The following WDCP variants were observed in gnomAD, a reference collection of about 807,000 sequenced individuals.
The protein encoded by WDCP is WD repeat and coiled coil containing.
In WDCP, 19 loss-of-function variants were observed where a neutral mutation model predicts 41.6. That is an observed-to-expected ratio of 0.46 (90% CI 0.32 to 0.67). The LOEUF is 0.67. WDCP is among the 30% of genes least tolerant of loss of function. The pLI is 0.04. For synonymous variants in WDCP, 302 were observed against 320.8 expected, an observed-to-expected ratio of 0.94 and a Z score of 0.63; for missense variants, 802 against 850.7, an observed-to-expected ratio of 0.94 and a Z score of 0.71.
chr2:24,042,480 G>A (rs1428832288), intron 1 of WDCP, among the ~76,000 whole-genome samples: 1 of 138,012 alleles, frequency 7.2e-6, no homozygotes, highest in Non-Finnish European at 1.5e-5. Context: ...AGGTTGCAGT[G>A]AATCGAGATC....
intron 1 of WDCP, among the ~76,000 whole-genome samples, chr2:24,044,650 C>T (rs764108502): frequency 2.0e-5 from 3 of 152,000 alleles, no homozygotes; most frequent in African/African-American, 7.2e-5. Flanking sequence ...TTCTCAAAAA[C>T]GCAGTGATAA....
intron 3 of WDCP, among the ~76,000 whole-genome samples, chr2:24,031,840 A>G (rs771183744): frequency 4.7e-4 from 72 of 151,600 alleles, no homozygotes; most frequent in Non-Finnish European, 7.5e-4. Flanking sequence ...AAAAAAAAAG[A>G]AAGAAAGAAA....
At chr2:24,033,722 CAG>C (rs1460934736) in intron 2 of WDCP, among the ~76,000 whole-genome samples, 2 of 152,172 alleles carry the variant, frequency 1.3e-5, no homozygotes, top group African/African-American at 2.4e-5. Context: ...GGCTGAGTGA[CAG>C]AGACAGACTC....
chr2:24,045,944 A>C (rs995731903), intron 1 of WDCP: 1 of 152,150 alleles, frequency 6.6e-6, no homozygotes, highest in Non-Finnish European at 1.5e-5. Flanking sequence ...AAAAAGGAAA[A>C]TAAAAAATAA....
chr2:24,030,898 A>G lies in WDCP; in HGVS notation c.*35T>C, dbSNP rs1280294361. 6.6e-7 allele frequency: 1 copy of G among 1,520,516 alleles called. No individual in the cohort carries two copies. The highest frequency in any genetic ancestry group is 1.4e-5 in the African/African-American group (1 of 72,726). The allele number at this position is 1,520,516 out of a possible 1,614,324, so 94.2% of individuals were successfully genotyped here. On this transcript the variant is annotated 3_prime_UTR_variant, in exon 4 of 4. Transcript: ENST00000295148. Reference sequence around the variant, plus strand: ...AGCAGGCCTTGTTTGTAATGGTCTCATCTGAAGAGCTACACAGCAAGGACA... The same window carrying G: ...AGCAGGCCTTGTTTGTAATGGTCTCGTCTGAAGAGCTACACAGCAAGGACA...
chr2:24,043,577 G>C (rs545470546), intron 1 of WDCP, among the ~76,000 whole-genome samples: 1 of 152,282 alleles, frequency 6.6e-6, no homozygotes, highest in African/African-American at 2.4e-5. Flanking sequence ...TTATCAAATA[G>C]TTGTGTAAAC....
rs1345528810 is a variant in WDCP, at chr2:24,030,446, C to T, written c.*487G>A. 1 of 152,776 alleles carries T rather than the reference C, an allele frequency of 6.5e-6. No homozygotes were observed. The highest frequency in any genetic ancestry group is 2.4e-5 in the African/African-American group (1 of 41,438). 9.5% of individuals were successfully genotyped at this position (152,776 alleles called of 1,614,324 possible). A position where few individuals can be genotyped will look rare whatever the true frequency, so the allele number is the denominator to read the frequency against. On this transcript the variant is annotated 3_prime_UTR_variant, in exon 4 of 4. Transcript: ENST00000295148. ...CAGAAGCCAGTGGGTCTCTGGTCCTCCTTGGAGCTCTGCTAATTCTTGCTG... is the reference window on the plus strand; with the variant it reads ...CAGAAGCCAGTGGGTCTCTGGTCCTTCTTGGAGCTCTGCTAATTCTTGCTG...
At chr2:24,046,876 T>C (rs906280135) in intron 1 of WDCP, among the ~76,000 whole-genome samples, 3 of 152,340 alleles carry the variant, frequency 2.0e-5, no homozygotes, top group African/African-American at 7.2e-5. Context: ...TAACATTATA[T>C]ATTAGCATTT....
At chr2:24,046,546 T>C (rs996516896) in intron 1 of WDCP, among the ~76,000 whole-genome samples, 1 of 152,142 alleles carries the variant, frequency 6.6e-6, no homozygotes, top group Non-Finnish European at 1.5e-5. Flanking sequence ...TTTAATTCTG[T>C]TTTTCATCTT....
chr2:24,041,992 A>G (rs1663456732), intron 1 of WDCP, among the ~76,000 whole-genome samples: 1 of 152,228 alleles, frequency 6.6e-6, no homozygotes. Context: ...TAAAATGAAA[A>G]ACTGCCTCAG....
Position 24,038,093 on chromosome 2 carries a change from A to G in WDCP, c.1402T>C (p.Ser468Pro). Residue 468 changes from serine to proline, a missense_variant, in exon 2 of 4, where the codon TCC becomes CCC. Transcript: ENST00000295148. ...TTGTTTTGGTGACAAAAATCTGGGG[A>G]AAGACTTTCAATTAACTTTTTTCTA... ...ANRKKLIESL[S>P]PDFCHQNKGL... The G allele has an allele frequency of 6.2e-7, 1 of 1,614,208 alleles. No homozygotes were observed. The highest frequency in any genetic ancestry group is 1.1e-5 in the South Asian group (1 of 91,072).
In WDCP at chr2:24,039,068, G is replaced by C. The variant is rs1663345342; in HGVS notation, c.427C>G (p.His143Asp). The change falls in exon 2 of 4, where the codon CAC (histidine) becomes GAC (aspartate). Residue 143 changes from histidine to aspartate, a missense_variant. Transcript: ENST00000295148. ...GCCTTTACCTGGGAATCATCAGAGTGAACATTAGGGAAAATGGAGACATCC... is the reference window on the plus strand; with the variant it reads ...GCCTTTACCTGGGAATCATCAGAGTCAACATTAGGGAAAATGGAGACATCC... Reference protein sequence around the residue: ...AQDVSIFPNVHSDDSQVKADI... With the variant: ...AQDVSIFPNVDSDDSQVKADI... 1 of 1,614,156 alleles carries C rather than the reference G, an allele frequency of 6.2e-7. No individual in the cohort carries two copies. Among genetic ancestry groups the C allele is most frequent in the Non-Finnish European group, 8.5e-7 (1 of 1,180,050 alleles).
intron 1 of WDCP, among the ~76,000 whole-genome samples, chr2:24,040,418 C>T (rs533514353): frequency 4.7e-4 from 71 of 152,276 alleles, no homozygotes; most frequent in Non-Finnish European, 9.3e-4. Context: ...TCTATTCGTC[C>T]TTTCACTGCC....
chr2:24,035,246 T>G (rs1663208616), intron 2 of WDCP, among the ~76,000 whole-genome samples: 1 of 151,820 alleles, frequency 6.6e-6, no homozygotes, highest in Admixed American at 6.6e-5. Context: ...AAGAGCTCTG[T>G]GTGCTGATAT....
chr2:24,042,064 A>C (rs1298065212), intron 1 of WDCP, among the ~76,000 whole-genome samples: 2 of 152,132 alleles, frequency 1.3e-5, no homozygotes, highest in African/African-American at 2.4e-5. Flanking sequence ...AATGGATATA[A>C]GAATAAAATG....
At position 24,039,246 on chromosome 2, in the gene WDCP, C is replaced by A. The variant is rs1445292110; in HGVS notation, c.249G>T (p.Lys83Asn). Reference sequence around the variant, plus strand: ...GACACAGCTGCCACACAGTGACATGCTTCTCATGCTGGACAGCGAGTAGAA... The same window carrying A: ...GACACAGCTGCCACACAGTGACATGATTCTCATGCTGGACAGCGAGTAGAA... The part of the protein sequence containing the change: ...TPVLLAVQHE[K>N]HVTVWQLCPS... The change falls in exon 2 of 4, where the codon AAG (lysine) becomes AAT (asparagine). Residue 83 changes from lysine to asparagine, a missense_variant. By Grantham distance (94) the Lys-to-Asn change is moderately conservative. Around this residue, in one of 5 missense-constraint regions of WDCP, gnomAD observed 214 missense variants for 252.9 expected, o/e 0.85. Coordinates refer to ENST00000295148, the MANE Select transcript of WDCP (RefSeq NM_025203.3). 1 of 1,614,246 alleles carries A rather than the reference C, an allele frequency of 6.2e-7. No individual in the cohort carries two copies. Among genetic ancestry groups the A allele is most frequent in the Non-Finnish European group, 8.5e-7 (1 of 1,180,046 alleles).
At chr2:24,033,659 T>C (rs1018670271) in intron 2 of WDCP, among the ~76,000 whole-genome samples, 2 of 152,160 alleles carry the variant, frequency 1.3e-5, no homozygotes, top group African/African-American at 2.4e-5. Context: ...GAGAATCACT[T>C]GAACCCAGGA....
chr2:24,036,674 CAA>C (rs1301859795), intron 2 of WDCP, among the ~76,000 whole-genome samples: 1 of 152,144 alleles, frequency 6.6e-6, no homozygotes, highest in African/African-American at 2.4e-5. Flanking sequence ...AAACTAAAAA[CAA>C]AGTGAATGTC....
In WDCP at chr2:24,038,796, T is replaced by G. The variant is rs752847613; in HGVS notation, c.699A>C (p.Ala233=). The change falls in exon 2 of 4, where the codon GCA becomes GCC. Residue 233 remains alanine, a synonymous_variant. Transcript: ENST00000295148. ...LPLDKICGLN[A]SETFNIPPNS... ...TAGGTGGGATATTAAAGGTTTCAGA[T>G]GCATTTAAGCCACAGATCTTATCCA... The G allele has an allele frequency of 6.2e-7, 1 of 1,614,230 alleles. No homozygotes were observed. Among genetic ancestry groups the G allele is most frequent in the Non-Finnish European group, 8.5e-7 (1 of 1,180,048 alleles).
Sources: allele counts gnomAD v4.1 joint callset (sites outside exome capture counted in the v4.1 genomes callset), GRCh38; gene constraint gnomAD v4.1.1; regional missense constraint gnomAD v4.1.1; transcripts MANE v1.5; gene names NCBI Gene and HGNC (gene_info 2026-07-23, HGNC 2026-07-21).